KAZN: variants seen among roughly 807,000 people sequenced by gnomAD.
KAZN encodes kazrin.
A neutral mutation model predicts 87.4 loss-of-function variants in KAZN; 40 were observed. The ratio of observed to expected loss-of-function variants is 0.46; its 90% CI spans 0.36 to 0.60. The LOEUF (loss-of-function observed/expected upper bound fraction) is 0.60. Among genes scored for constraint, KAZN ranks in the 20% least tolerant of loss-of-function variants. The probability of loss-of-function intolerance (pLI) is 0.00; values close to 1 mark genes in which losing one functional copy is unlikely to be tolerated. For synonymous variants in KAZN, 466 were observed against 458.3 expected (o/e 1.02, Z -0.22); for missense variants, 898 against 1,073.9 (o/e 0.84, Z 2.29).
chr1:14,323,409 T>C (rs1392424541), intron 2 of KAZN, among the ~76,000 whole-genome samples: 1 of 152,116 alleles, frequency 6.6e-6, no homozygotes, highest in African/African-American at 2.4e-5. Context: ...ATTTACCTTC[T>C]TTCTTATATA....
At chr1:14,968,333 G>A (rs1274138692) in intron 2 of KAZN, among the ~76,000 whole-genome samples, 2 of 152,176 alleles carry the variant, frequency 1.3e-5, no homozygotes, top group Non-Finnish European at 2.9e-5. Flanking sequence ...CGGCGGTAAT[G>A]TGAGTGATGG....
intron 2 of KAZN, among the ~76,000 whole-genome samples, chr1:14,385,567 T>C (rs1404659667): frequency 2.6e-5 from 4 of 152,256 alleles, no homozygotes; most frequent in Non-Finnish European, 5.9e-5. Context: ...CATTTCATTA[T>C]GTACTCAGTA....
intron 2 of KAZN, among the ~76,000 whole-genome samples, chr1:14,310,289 A>C (rs1655194053): frequency 6.6e-6 from 1 of 152,202 alleles, no homozygotes; most frequent in Non-Finnish European, 1.5e-5. Context: ...GGTTGGAGCC[A>C]GAATGGAAAG....
At chr1:14,794,218 C>T (rs753789385) in intron 1 of KAZN, among the ~76,000 whole-genome samples, 9 of 152,116 alleles carry the variant, frequency 5.9e-5, no homozygotes, top group Non-Finnish European at 7.4e-5. Flanking sequence ...TCATGGAAAG[C>T]GCAGTGGGGA....
intron 1 of KAZN, among the ~76,000 whole-genome samples, chr1:14,634,052 T>A (rs889710449): frequency 2.6e-5 from 4 of 152,100 alleles, no homozygotes; most frequent in African/African-American, 9.7e-5. Context: ...CTGGAGATCA[T>A]GTTAAATATA....
At chr1:14,474,972 A>G (rs1668639881) in intron 2 of KAZN, among the ~76,000 whole-genome samples, 2 of 152,110 alleles carry the variant, frequency 1.3e-5, no homozygotes, top group Admixed American at 1.3e-4. Flanking sequence ...GGATGGATAG[A>G]TGGATGAATG....
At chr1:14,245,384 T>G (rs1649402591) in intron 2 of KAZN, among the ~76,000 whole-genome samples, 2 of 152,146 alleles carry the variant, frequency 1.3e-5, no homozygotes, top group South Asian at 4.1e-4. Flanking sequence ...CTTGACAATA[T>G]GTCAGCTGCA....
chr1:14,661,954 G>C (rs957861861), intron 1 of KAZN, among the ~76,000 whole-genome samples: 3 of 152,168 alleles, frequency 2.0e-5, no homozygotes, highest in African/African-American at 7.2e-5. Context: ...GATAGGCCTG[G>C]GGTAGAATCA....
intron 2 of KAZN, among the ~76,000 whole-genome samples, chr1:14,359,219 T>C (rs1659293176): frequency 6.6e-6 from 1 of 152,210 alleles, no homozygotes; most frequent in African/African-American, 2.4e-5. Context: ...AAGTCTGTTT[T>C]ATCAGAGACT....
intron 2 of KAZN, among the ~76,000 whole-genome samples, chr1:14,340,888 C>CTTTTTTTTTTT (rs3085672): frequency 0.015 from 1,512 of 103,090 alleles, 102 homozygotes; most frequent in African/African-American, 0.026. Flanking sequence ...ATGATTTTCC[C>CTTTTTTTTTTT]TTTTTTTTTT....
At chr1:14,143,601 CAG>C (rs1645286048) in intron 1 of KAZN, among the ~76,000 whole-genome samples, 1 of 152,178 alleles carries the variant, frequency 6.6e-6, no homozygotes, top group Admixed American at 6.5e-5. Context: ...GTTGATAAGA[CAG>C]TATACATTTT....
intron 1 of KAZN, among the ~76,000 whole-genome samples, chr1:14,064,708 C>T (rs754883177): frequency 6.6e-6 from 1 of 152,220 alleles, no homozygotes; most frequent in Non-Finnish European, 1.5e-5. Context: ...GTCAGAGGCC[C>T]TGCCTGGCAA....
At chr1:14,218,790 G>A (rs918622074) in intron 2 of KAZN, among the ~76,000 whole-genome samples, 16 of 152,184 alleles carry the variant, frequency 1.1e-4, no homozygotes, top group African/African-American at 3.9e-4. Context: ...CCAAGCAGTA[G>A]ATGAGTGAAT....
chr1:13,993,480 A>G (rs1323677641), intron 1 of KAZN, among the ~76,000 whole-genome samples: 2 of 152,254 alleles, frequency 1.3e-5, no homozygotes, highest in African/African-American at 2.4e-5. Flanking sequence ...TTTCAACTGT[A>G]TAGAATTTTA....
At chr1:14,627,512 A>C (rs935454001) in intron 1 of KAZN, among the ~76,000 whole-genome samples, 3 of 151,658 alleles carry the variant, frequency 2.0e-5, no homozygotes, top group Non-Finnish European at 4.4e-5. Flanking sequence ...CTCGCTCCTC[A>C]CTCCCCTCCT....
chr1:14,540,523 G>C (rs542130020), intron 2 of KAZN, among the ~76,000 whole-genome samples: 1 of 152,106 alleles, frequency 6.6e-6, no homozygotes, highest in African/African-American at 2.4e-5. Context: ...CATCCAAAGG[G>C]TGTTGTCACA....
chr1:14,940,124 G>A (rs571664914), intron 1 of KAZN, among the ~76,000 whole-genome samples: 25 of 152,350 alleles, frequency 1.6e-4, no homozygotes, highest in Admixed American at 1.2e-3. Flanking sequence ...CTCTGTAAGA[G>A]TGGGCGGGGT....
intron 2 of KAZN, among the ~76,000 whole-genome samples, chr1:14,202,285 G>C (rs1017240668): frequency 1.3e-5 from 2 of 152,192 alleles, no homozygotes; most frequent in Admixed American, 6.5e-5. Flanking sequence ...CGTGCGTTCT[G>C]CTACAGTTCA....
At chr1:14,929,255 A>G (rs543108084) in intron 1 of KAZN, among the ~76,000 whole-genome samples, 30 of 152,210 alleles carry the variant, frequency 2.0e-4, no homozygotes, top group African/African-American at 7.0e-4. Context: ...TATATAATAC[A>G]TTTTCTTTTA....
Sources: gnomAD v4.1 joint callset for allele counts (sites outside exome capture counted in the v4.1 genomes callset) on GRCh38, gnomAD v4.1.1 for gene constraint, MANE v1.5 for transcripts, NCBI Gene and HGNC (gene_info 2026-07-23, HGNC 2026-07-21) for gene names.